PAFAH1B1: variants seen among roughly 807,000 people sequenced by gnomAD.
PAFAH1B1 encodes platelet activating factor acetylhydrolase 1b regulatory subunit 1.
A neutral mutation model predicts 57.5 loss-of-function variants in PAFAH1B1; 2 were observed. The observed-to-expected ratio is 0.03, with a 90% confidence interval of 0.01 to 0.11. PAFAH1B1 has a LOEUF of 0.11. Ranked by LOEUF, PAFAH1B1 falls within the 10% of genes least tolerant of loss-of-function variation. PAFAH1B1 has a pLI of 1.00. For synonymous variants in PAFAH1B1, 152 were observed against 169.6 expected, an observed-to-expected ratio of 0.90 and a Z score of 0.81; for missense variants, 257 against 512.0, an observed-to-expected ratio of 0.50 and a Z score of 4.81.
intron 9 of PAFAH1B1, among the ~76,000 whole-genome samples, chr17:2,678,029 G>A (rs996080507): frequency 6.6e-6 from 1 of 151,612 alleles, no homozygotes; most frequent in African/African-American, 2.4e-5. Context: ...GGCTGAGGCA[G>A]GTGGATCACC....
intron 1 of PAFAH1B1, among the ~76,000 whole-genome samples, chr17:2,602,083 C>T (rs2068150294): frequency 6.6e-6 from 1 of 151,782 alleles, no homozygotes; most frequent in Non-Finnish European, 1.5e-5. Context: ...AAAATTTTTA[C>T]AGTATTACCA....
upstream of PAFAH1B1, among the ~76,000 whole-genome samples, chr17:2,593,579 T>C (rs2068045758): frequency 1.4e-5 from 2 of 144,990 alleles, no homozygotes; most frequent in South Asian, 4.5e-4. Context: ...TCCCTCTTCC[T>C]GGCGGGTCTG....
At position 2,684,075 on chromosome 17, in the gene PAFAH1B1, A is replaced by ACTCTGT. The variant is rs2069429279; in HGVS notation, c.*2273_*2274insCTCTGT. 1 of 152,688 alleles carries ACTCTGT rather than the reference A, an allele frequency of 6.5e-6. No homozygotes were observed. The allele number at this position is 152,688 out of a possible 1,614,324, so 9.5% of individuals were successfully genotyped here. ...AGGAGGAAACGATTACTCTGTAAAC[A>ACTCTGT]AAGTTATCCTTACTTGGGAGATTGC... On this transcript the variant is annotated 3_prime_UTR_variant, in exon 11 of 11. Transcript: ENST00000397195.
intron 1 of PAFAH1B1, among the ~76,000 whole-genome samples, chr17:2,637,666 T>C (rs148521987): frequency 0.01 from 1,599 of 152,340 alleles, 24 homozygotes; most frequent in African/African-American, 0.036. Flanking sequence ...CACTCAACCT[T>C]GAAGGTTACT....
At position 2,681,717 on chromosome 17, in the gene PAFAH1B1, T is replaced by C; in HGVS notation, c.1160-12T>C. ...GTGTGAGTTTTAAATAAACCATTTC[T>C]TTTTCTTTCAGATTTCCACAAGACG... is the stretch of plus-strand genomic sequence containing the variant. On this transcript the variant is annotated splice_polypyrimidine_tract_variant and intron_variant, in intron 10 of 10. Transcript: ENST00000397195. 2 of 1,609,146 alleles carry C rather than the reference T, an allele frequency of 1.2e-6. No individual in the cohort carries two copies. The highest frequency in any genetic ancestry group is 1.3e-5 in the African/African-American group (1 of 74,926).
At chr17:2,625,617 T>C (rs1257722037) in intron 1 of PAFAH1B1, among the ~76,000 whole-genome samples, 1 of 152,202 alleles carries the variant, frequency 6.6e-6, no homozygotes, top group East Asian at 1.9e-4. Context: ...AAAAAATGTT[T>C]ACTCCATTTA....
chr17:2,619,740 G>C, intron 1 of PAFAH1B1, among the ~76,000 whole-genome samples: 1 of 152,106 alleles, frequency 6.6e-6, no homozygotes, highest in South Asian at 2.1e-4. Context: ...AGGAAACTCA[G>C]GCTTAATGAG....
chr17:2,677,855 A>AT (rs2069295751), intron 9 of PAFAH1B1, among the ~76,000 whole-genome samples: 1 of 112,794 alleles, frequency 8.9e-6, no homozygotes, highest in Admixed American at 1.1e-4. Context: ...CTCCGCCTCA[A>AT]AAAATAAATA....
At chr17:2,631,360 C>T (rs2068552912) in intron 1 of PAFAH1B1, among the ~76,000 whole-genome samples, 2 of 152,172 alleles carry the variant, frequency 1.3e-5, no homozygotes, top group African/African-American at 2.4e-5. Flanking sequence ...ATGCCGGATT[C>T]GCACCCTCCC....
At chr17:2,610,724 CT>C (rs1166424356) in intron 1 of PAFAH1B1, among the ~76,000 whole-genome samples, 7 of 152,222 alleles carry the variant, frequency 4.6e-5, no homozygotes, top group Non-Finnish European at 1.0e-4. Flanking sequence ...GTAGCACAAG[CT>C]TGGGCTAGAG....
intron 2 of PAFAH1B1, among the ~76,000 whole-genome samples, chr17:2,652,276 G>A (rs9908283): frequency 0.24 from 36,939 of 151,276 alleles, 4,446 homozygotes; most frequent in Middle Eastern, 0.33. Flanking sequence ...TTGGCCGGGC[G>A]TGGTGGCGGG....
intron 2 of PAFAH1B1, among the ~76,000 whole-genome samples, chr17:2,654,208 A>G (rs1035491774): frequency 2.1e-5 from 3 of 140,182 alleles, no homozygotes; most frequent in African/African-American, 8.0e-5. Context: ...TTTTTTTTTT[A>G]AAGACAGTTT....
chr17:2,654,795 C>T (rs964129727), intron 2 of PAFAH1B1, among the ~76,000 whole-genome samples: 1 of 151,980 alleles, frequency 6.6e-6, no homozygotes, highest in African/African-American at 2.4e-5. Context: ...GTGTGTGCCA[C>T]CATGCCTAGC....
At chr17:2,643,263 A>G (rs1289882705) in intron 2 of PAFAH1B1, among the ~76,000 whole-genome samples, 1 of 151,790 alleles carries the variant, frequency 6.6e-6, no homozygotes, top group African/African-American at 2.4e-5. Flanking sequence ...ATGCTCAGCT[A>G]ATTTTTTCCT....
chr17:2,666,469 AAAT>A (rs2069107760), intron 4 of PAFAH1B1, among the ~76,000 whole-genome samples: 1 of 152,244 alleles, frequency 6.6e-6, no homozygotes, highest in Non-Finnish European at 1.5e-5. Flanking sequence ...TAAATACAAC[AAAT>A]AATATTCCAG....
chr17:2,594,059 G>A (rs1434926653), intron 1 of PAFAH1B1, 53 bp downstream of exon 1: 1 of 397,982 alleles, frequency 2.5e-6, no homozygotes, highest in Non-Finnish European at 4.4e-6. Context: ...CCGCGCCCGG[G>A]CGGCTGCAGG....
At chr17:2,655,197 G>C (rs1380838395) in intron 2 of PAFAH1B1, among the ~76,000 whole-genome samples, 1 of 151,582 alleles carries the variant, frequency 6.6e-6, no homozygotes, top group Non-Finnish European at 1.5e-5. Flanking sequence ...GTGTGTGTGT[G>C]TGTGTGTGTG....
chr17:2,647,779 T>G (rs915771251), intron 2 of PAFAH1B1, among the ~76,000 whole-genome samples: 12 of 151,460 alleles, frequency 7.9e-5, no homozygotes, highest in Admixed American at 7.9e-4. Context: ...CTGAGGTGGG[T>G]GGATCATGGG....
intron 2 of PAFAH1B1, among the ~76,000 whole-genome samples, chr17:2,664,083 C>T (rs910505936): frequency 6.6e-5 from 10 of 152,156 alleles, no homozygotes; most frequent in African/African-American, 1.9e-4. Flanking sequence ...CTGGCCTAAC[C>T]CTGTAATTAT....
Sources: gnomAD v4.1 joint callset for allele counts (sites outside exome capture counted in the v4.1 genomes callset) on GRCh38, gnomAD v4.1.1 for gene constraint, MANE v1.5 for transcripts, NCBI Gene and HGNC (gene_info 2026-07-23, HGNC 2026-07-21) for gene names.